PLXNA4: variants seen among roughly 807,000 people sequenced by gnomAD.
PLXNA4 encodes the protein plexin A4, also known as plexin-A4.
PLXNA4 carries 44 observed loss-of-function variants against 191.8 expected under a neutral mutation model. The observed-to-expected ratio is 0.23, with a 90% CI of 0.18 to 0.29. The LOEUF is 0.29. Ranked by LOEUF, PLXNA4 falls within the 10% of genes least tolerant of loss-of-function variation. PLXNA4 has a pLI of 1.00. For synonymous variants in PLXNA4, 1,082 were observed against 1,009.5 expected (o/e 1.07, Z -1.36); for missense variants, 1,800 against 2,488.8 (o/e 0.72, Z 5.89).
chr7:132,579,444 T>C (rs1013828484), upstream of PLXNA4, among the ~76,000 whole-genome samples: 7 of 151,570 alleles, frequency 4.6e-5, no homozygotes, highest in Non-Finnish European at 8.8e-5. Flanking sequence ...TGTGCGTGTG[T>C]GTGTGTGTGT....
intron 3 of PLXNA4, among the ~76,000 whole-genome samples, chr7:132,431,748 G>A (rs1490378098): frequency 6.6e-6 from 1 of 152,156 alleles, no homozygotes; most frequent in Non-Finnish European, 1.5e-5. Context: ...CATGAGCTCT[G>A]GTCTTGGCCT....
chr7:132,562,053 CCCT>C (rs1801169151), intron 1 of PLXNA4, among the ~76,000 whole-genome samples: 3 of 67,500 alleles, frequency 4.4e-5, no homozygotes, highest in South Asian at 5.8e-4. Context: ...CTCCTCCTCT[CCCT>C]CCTCCTTCTC....
chr7:132,321,609 G>A lies in PLXNA4; in HGVS notation c.1372-23387C>T, dbSNP rs191628494. On this transcript the variant is annotated intron_variant, in intron 3 of 31. Transcript: ENST00000321063. ...TGTTGGTGCACCATGTGTGTTTGCC[G>A]TGTCGGTGCACATAAGCAGACAGAC... 7.1e-4 allele frequency among the ~76,000 whole-genome samples: 108 copies of A among 152,346 alleles called. 1 individual carries two copies. The East Asian group carries it at 0.013, about 18-fold the overall frequency.
intron 3 of PLXNA4, among the ~76,000 whole-genome samples, chr7:132,428,441 C>T (rs1795133179): frequency 6.6e-6 from 1 of 152,226 alleles, no homozygotes; most frequent in Admixed American, 6.5e-5. Context: ...GACCTTGCTC[C>T]CTGTTGGCGC....
intron 1 of PLXNA4, among the ~76,000 whole-genome samples, chr7:132,560,343 T>A (rs968741616): frequency 6.6e-6 from 1 of 152,210 alleles, no homozygotes; most frequent in East Asian, 1.9e-4. Context: ...CACTGGAAAG[T>A]AGTGGGACTC....
In PLXNA4 at chr7:132,403,784, G is replaced by T. The variant is rs570728284; in HGVS notation, c.1371+85508C>A. The stretch of plus-strand genomic sequence containing the variant: ...GAGAGCAGGGAAGAGGGCATTTGGG[G>T]GCTTACTTCGGGGACAGGACCTGAG... On this transcript the variant is annotated intron_variant, in intron 3 of 31. Coordinates refer to ENST00000321063, the MANE Select transcript of PLXNA4 (RefSeq NM_020911.2). 7.2e-4 allele frequency among the ~76,000 whole-genome samples: 109 copies of T among 152,198 alleles called. No homozygotes were observed. The Middle Eastern group carries it at 0.027, about 38-fold the overall frequency.
At chr7:132,614,600 A>G (rs1394906125) in intron 2 of PLXNA4, among the ~76,000 whole-genome samples, 6 of 152,266 alleles carry the variant, frequency 3.9e-5, no homozygotes, top group Non-Finnish European at 8.8e-5. Flanking sequence ...GAGGGTGCCC[A>G]GGCAAGGCTG....
chr7:132,386,478 T>C (rs1255940195), intron 3 of PLXNA4, among the ~76,000 whole-genome samples: 1 of 152,214 alleles, frequency 6.6e-6, no homozygotes, highest in Non-Finnish European at 1.5e-5. Context: ...TGGCTTGTTT[T>C]GCAGCCTAGC....
In PLXNA4 at chr7:132,598,788, A is replaced by G. The variant is rs186817761; in HGVS notation, c.-87+47140T>C. On this transcript the variant is annotated intron_variant, in intron 2 of 4. Transcript: ENST00000378539. ...AATAGAAATCCTGAATTTTGATATG[A>G]TTATGGTAAATAAAATACTTTTCTC... Among the ~76,000 whole-genome samples the G allele has an allele frequency of 8.1e-3, 1,230 of 152,306 alleles. 13 individuals are homozygous for G. Among genetic ancestry groups the G allele is most frequent in the Non-Finnish European group, 0.012 (795 of 68,016 alleles).
At chr7:132,434,060 G>T (rs1476505385) in intron 3 of PLXNA4, among the ~76,000 whole-genome samples, 1 of 152,186 alleles carries the variant, frequency 6.6e-6, no homozygotes, top group Non-Finnish European at 1.5e-5. Context: ...TTGAAACCAG[G>T]CTGGTCTGCC....
At chr7:132,168,627 C>A in intron 21 of PLXNA4, 55 bp from the exon 22 acceptor site, 1 of 1,520,334 alleles carries the variant, frequency 6.6e-7, no homozygotes, top group African/African-American at 1.4e-5. Flanking sequence ...AGCTCAGTGA[C>A]CTCCCCACGG....
At chr7:132,477,457 T>C (rs1442932295) in intron 3 of PLXNA4, among the ~76,000 whole-genome samples, 1 of 152,130 alleles carries the variant, frequency 6.6e-6, no homozygotes, top group East Asian at 1.9e-4. Flanking sequence ...CCCAGATAAA[T>C]AACATGGAGC....
chr7:132,183,982 A>G (rs944564035), intron 16 of PLXNA4, among the ~76,000 whole-genome samples: 1 of 152,212 alleles, frequency 6.6e-6, no homozygotes, highest in Non-Finnish European at 1.5e-5. Context: ...ACGAGTGAGC[A>G]TGGCTGTGCG....
Position 132,125,905 on chromosome 7 carries a change from G to GAAGT in PLXNA4, c.*4570_*4573dup, listed in dbSNP as rs1249264386. The GAAGT allele has an allele frequency of 6.6e-6, 1 of 152,372 alleles. No homozygotes were observed. Among genetic ancestry groups the GAAGT allele is most frequent in the East Asian group, 1.9e-4 (1 of 5,174 alleles). The allele number at this position is 152,372 out of a possible 1,614,324, so 9.4% of individuals were successfully genotyped here. A position where few individuals can be genotyped will look rare whatever the true frequency, so the allele number is the denominator to read the frequency against. On this transcript the variant is annotated 3_prime_UTR_variant, in exon 32 of 32. Coordinates refer to ENST00000321063, the MANE Select transcript of PLXNA4 (RefSeq NM_020911.2). ...CTCACTGTTCCTGGAAGGAGCAGGG[G>GAAGT]AAGTTCCCGGAGAGGGGCTTCTCTG... is the stretch of plus-strand genomic sequence containing the variant.
intron 3 of PLXNA4, among the ~76,000 whole-genome samples, chr7:132,342,265 AT>A (rs1172943146): frequency 2.0e-5 from 3 of 149,702 alleles, no homozygotes; most frequent in African/African-American, 7.4e-5. Flanking sequence ...GATAAAAAAA[AT>A]AAAGTTGGAT....
intron 3 of PLXNA4, among the ~76,000 whole-genome samples, chr7:132,400,256 C>T (rs1169671569): frequency 6.6e-6 from 1 of 152,124 alleles, no homozygotes; most frequent in Non-Finnish European, 1.5e-5. Context: ...TAAGGTCTCC[C>T]AGGAAGTAAA....
chr7:132,339,545 A>G (rs1293762544), intron 3 of PLXNA4, among the ~76,000 whole-genome samples: 2 of 152,240 alleles, frequency 1.3e-5, no homozygotes, highest in Non-Finnish European at 2.9e-5. Flanking sequence ...TGTACCTACC[A>G]TATGCAAGGC....
chr7:132,179,703 G>C lies in PLXNA4; in HGVS notation c.3858C>G (p.Ala1286=). The C allele has an allele frequency of 6.2e-7, 1 of 1,613,728 alleles. No homozygotes were observed. The highest frequency in any genetic ancestry group is 1.1e-5 in the South Asian group (1 of 91,082). Reference sequence around the variant, plus strand: ...ACTCAGTACCTTCCTTGCACTCCAGGGCCACACGGGACTCCAGGTTGTCCA... The same window carrying C: ...ACTCAGTACCTTCCTTGCACTCCAGCGCCACACGGGACTCCAGGTTGTCCA... ...MQMDNLESRV[A]LECKEAFAEL... The change falls in exon 20 of 32, where the codon GCC becomes GCG. Residue 1286 remains alanine, a synonymous_variant. Transcript: ENST00000321063.
rs531601919 is a variant in PLXNA4, at chr7:132,225,519, G to A, written c.1982+642C>T. Among the ~76,000 whole-genome samples, 3 of 152,324 alleles carry A rather than the reference G, an allele frequency of 2.0e-5. No individual in the cohort carries two copies. The East Asian group carries it at 5.8e-4, about 29-fold the overall frequency. On this transcript the variant is annotated intron_variant, in intron 8 of 31. Transcript: ENST00000321063. ...CTCAGCTGGTCCGGCTACAGAGCCAGAGCCTCGGCCCTCCCCACCTGCCAC... is the reference window on the plus strand; with the variant it reads ...CTCAGCTGGTCCGGCTACAGAGCCAAAGCCTCGGCCCTCCCCACCTGCCAC...
Sources: gnomAD v4.1 joint callset for allele counts (sites outside exome capture counted in the v4.1 genomes callset) on GRCh38, gnomAD v4.1.1 for gene constraint, MANE v1.5 for transcripts, NCBI Gene and HGNC (gene_info 2026-07-23, HGNC 2026-07-21) for gene names.